RGS20: variants seen among roughly 807,000 people sequenced by gnomAD.
RGS20 encodes the protein regulator of G protein signaling 20.
RGS20 carries 30 observed loss-of-function variants against 33.6 expected under a neutral mutation model. The observed-to-expected ratio is 0.89, with a 90% CI of 0.67 to 1.21. RGS20 has a LOEUF of 1.21. RGS20 is among the 50% of genes most tolerant of loss of function. RGS20 has a pLI of 0.00. For missense variants in RGS20, 472 were observed against 502.4 expected, an observed-to-expected ratio of 0.94 and a Z score of 0.58; for synonymous variants, 208 against 197.9, an observed-to-expected ratio of 1.05 and a Z score of -0.43.
intron 1 of RGS20, chr8:53,876,175 T>C (rs1158006696): frequency 6.6e-6 from 1 of 152,250 alleles, no homozygotes; most frequent in Admixed American, 6.5e-5. Context: ...ACTTTAATTC[T>C]AAAGAGTCTC....
At chr8:53,915,144 C>CAAA (rs34526937) in intron 2 of RGS20, among the ~76,000 whole-genome samples, 4 of 145,392 alleles carry the variant, frequency 2.8e-5, no homozygotes, top group Non-Finnish European at 4.5e-5. Flanking sequence ...GGCTCTGTCT[C>CAAA]AAAAAAAAAA....
At chr8:53,918,765 T>C (rs960453055) in intron 2 of RGS20, among the ~76,000 whole-genome samples, 2 of 152,190 alleles carry the variant, frequency 1.3e-5, no homozygotes, top group Non-Finnish European at 2.9e-5. Flanking sequence ...GCTAAATAAA[T>C]ATTGCCTCGT....
intron 2 of RGS20, among the ~76,000 whole-genome samples, chr8:53,917,799 C>T (rs1189355506): frequency 1.3e-5 from 2 of 152,148 alleles, no homozygotes; most frequent in Admixed American, 6.5e-5. Flanking sequence ...TTTTAGTATA[C>T]TTACAAAGTT....
chr8:53,853,197 A>G (rs1811603458), intron 1 of RGS20, among the ~76,000 whole-genome samples: 1 of 152,236 alleles, frequency 6.6e-6, no homozygotes. Context: ...TTGAGGAAAC[A>G]GAGAGCAACA....
chr8:53,911,833 C>A (rs774267109), intron 2 of RGS20, among the ~76,000 whole-genome samples: 34 of 152,012 alleles, frequency 2.2e-4, no homozygotes, highest in Non-Finnish European at 4.4e-4. Context: ...CCCAGCTACT[C>A]GGGAGACTGA....
chr8:53,863,258 A>T (rs2129268599), intron 1 of RGS20, among the ~76,000 whole-genome samples: 1 of 152,214 alleles, frequency 6.6e-6, no homozygotes, highest in South Asian at 2.1e-4. Context: ...AAGTGTTGGG[A>T]TTACAGGTGC....
intron 1 of RGS20, among the ~76,000 whole-genome samples, chr8:53,857,235 G>A (rs961086439): frequency 6.6e-6 from 1 of 152,226 alleles, no homozygotes; most frequent in South Asian, 2.1e-4. Flanking sequence ...CTCTGCCGTG[G>A]CTAGCATGCA....
At chr8:53,921,987 A>G (rs1400134962) in intron 2 of RGS20, among the ~76,000 whole-genome samples, 1 of 152,074 alleles carries the variant, frequency 6.6e-6, no homozygotes, top group Admixed American at 6.6e-5. Flanking sequence ...ATGCAGGTGG[A>G]GTGCTCTATA....
At chr8:53,936,556 C>T (rs1480424523) in intron 2 of RGS20, among the ~76,000 whole-genome samples, 2 of 152,050 alleles carry the variant, frequency 1.3e-5, no homozygotes, top group Admixed American at 6.6e-5. Flanking sequence ...TGTGAAGGAC[C>T]TCTTCAAGGA....
Position 53,851,929 on chromosome 8 carries a change from G to A in RGS20, c.30G>A (p.Glu10=), listed in dbSNP as rs377121672. The A allele has an allele frequency of 6.2e-7, 1 of 1,614,018 alleles. No individual in the cohort carries two copies. Among genetic ancestry groups the A allele is most frequent in the Non-Finnish European group, 8.5e-7 (1 of 1,179,970 alleles). Residue 10 remains glutamate, a synonymous_variant, in exon 1 of 6, where the codon GAG becomes GAA. Coordinates refer to ENST00000297313, the MANE Select transcript of RGS20 (RefSeq NM_170587.4). ...CCCAGCTTTCCCAAGATAACCAAGA[G>A]TGCCTCCAGAAACATTTCTCCAGGC...
chr8:53,851,999 T>C lies in RGS20; in HGVS notation c.100T>C (p.Tyr34His), dbSNP rs369137103. The C allele has an allele frequency of 1.2e-5, 19 of 1,614,082 alleles. No individual in the cohort carries two copies. The African/African-American group carries it at 2.0e-4, about 17-fold the overall frequency. The change falls in exon 1 of 6, where the codon TAT becomes CAT. Residue 34 changes from tyrosine to histidine, a missense_variant. Tyr to His is a moderately conservative substitution (Grantham distance 83, BLOSUM62 2). Transcript: ENST00000297313. ...TCTGCCCCTGTTCAGGGCTCAGAGATATAATACAGACATTCACCAAATCAC... is the reference window on the plus strand; with the variant it reads ...TCTGCCCCTGTTCAGGGCTCAGAGACATAATACAGACATTCACCAAATCAC...
intron 5 of RGS20, among the ~76,000 whole-genome samples, chr8:53,957,120 A>C (rs2129295038): frequency 6.7e-6 from 1 of 150,338 alleles, no homozygotes; most frequent in South Asian, 2.1e-4. Flanking sequence ...AGTGACAGGG[A>C]TGGATTTTGT....
intron 2 of RGS20, among the ~76,000 whole-genome samples, chr8:53,935,177 A>C (rs1814093893): frequency 6.6e-6 from 1 of 152,192 alleles, no homozygotes; most frequent in South Asian, 2.1e-4. Flanking sequence ...TAGAATTGAC[A>C]CCCTAACATC....
intron 1 of RGS20, among the ~76,000 whole-genome samples, chr8:53,869,721 T>C (rs1357625381): frequency 1.3e-5 from 2 of 151,996 alleles, no homozygotes; most frequent in Non-Finnish European, 2.9e-5. Flanking sequence ...AAAATTAAAA[T>C]AGCACAGCTT....
At chr8:53,854,683 G>A (rs1055715001) in intron 1 of RGS20, among the ~76,000 whole-genome samples, 3 of 152,186 alleles carry the variant, frequency 2.0e-5, no homozygotes, top group African/African-American at 4.8e-5. Context: ...ATGTAAAATA[G>A]TACAGCCAAT....
chr8:53,952,617 T>C (rs189832714), intron 4 of RGS20, among the ~76,000 whole-genome samples: 6 of 151,212 alleles, frequency 4.0e-5, no homozygotes, highest in African/African-American at 1.5e-4. Context: ...TCCCAACTAC[T>C]TGGGAGGCTG....
intron 2 of RGS20, among the ~76,000 whole-genome samples, chr8:53,891,707 T>C (rs894975885): frequency 6.6e-6 from 1 of 152,200 alleles, no homozygotes; most frequent in African/African-American, 2.4e-5. Context: ...TTTTATATCA[T>C]TTGTTTCCAA....
intron 4 of RGS20, among the ~76,000 whole-genome samples, chr8:53,953,583 T>C (rs201081242): frequency 2.0e-4 from 31 of 152,248 alleles, no homozygotes; most frequent in African/African-American, 7.2e-4. Context: ...CATTTATAAC[T>C]TGCACTTATA....
intron 2 of RGS20, among the ~76,000 whole-genome samples, chr8:53,932,163 A>G (rs915195091): frequency 6.6e-6 from 1 of 152,072 alleles, no homozygotes; most frequent in Non-Finnish European, 1.5e-5. Context: ...GGGTAACCCG[A>G]CCTTTCTCTC....
Sources: allele counts gnomAD v4.1 joint callset (sites outside exome capture counted in the v4.1 genomes callset), GRCh38; gene constraint gnomAD v4.1.1; transcripts MANE v1.5; gene names NCBI Gene and HGNC (gene_info 2026-07-23, HGNC 2026-07-21).